The following SPRED1 variants were observed in gnomAD, a reference collection of about 807,000 sequenced individuals.
SPRED1 encodes sprouty-related, EVH1 domain-containing protein 1.
Under a neutral mutation model 52.3 loss-of-function variants are expected in SPRED1, and 18 were observed. That is an observed-to-expected ratio of 0.34 (90% CI 0.24 to 0.51). SPRED1 has a LOEUF of 0.51. Among genes scored for constraint, SPRED1 ranks in the 20% least tolerant of loss-of-function variants. SPRED1 has a pLI of 0.97. For synonymous variants in SPRED1, 155 were observed against 179.7 expected, an observed-to-expected ratio of 0.86 and a Z score of 1.10; for missense variants, 485 against 551.0, an observed-to-expected ratio of 0.88 and a Z score of 1.20.
intron 5 of SPRED1, among the ~76,000 whole-genome samples, chr15:38,343,646 C>T (rs1432328937): frequency 6.6e-6 from 1 of 152,064 alleles, no homozygotes; most frequent in African/African-American, 2.4e-5. Flanking sequence ...CTTCCAGCAA[C>T]TCTCATACCA....
chr15:38,283,909 T>A (rs1212563310), intron 1 of SPRED1, among the ~76,000 whole-genome samples: 1 of 152,152 alleles, frequency 6.6e-6, no homozygotes, highest in Non-Finnish European at 1.5e-5. Flanking sequence ...TAAAAACTAA[T>A]GGTAAAAATT....
At chr15:38,254,537 C>T (rs1329868414) in intron 1 of SPRED1, among the ~76,000 whole-genome samples, 1 of 152,166 alleles carries the variant, frequency 6.6e-6, no homozygotes, top group East Asian at 1.9e-4. Context: ...CATCCATCAC[C>T]TTGGACATCT....
rs1259725475 is a variant in SPRED1 at position 38,356,968 on chromosome 15, A to C, written c.*5304A>C. 2 of 152,192 alleles carry C rather than the reference A, an allele frequency of 1.3e-5. No individual in the cohort carries two copies. The highest frequency in any genetic ancestry group is 2.9e-5 in the Non-Finnish European group (2 of 67,994). 9.4% of individuals were successfully genotyped at this position (152,192 alleles called of 1,614,324 possible). On this transcript the variant is annotated 3_prime_UTR_variant, in exon 7 of 7. Transcript: ENST00000299084. ...GAAATGTAGTCTCATGTGCTTATTT[A>C]CAGGTTTTTCAGAATTTGCTTTACA...
At chr15:38,310,907 A>T (rs1366693893) in intron 2 of SPRED1, among the ~76,000 whole-genome samples, 2 of 152,040 alleles carry the variant, frequency 1.3e-5, no homozygotes, top group African/African-American at 4.8e-5. Flanking sequence ...ATAGGAAGGG[A>T]TTTATTTCTT....
chr15:38,282,611 C>T (rs968220963), intron 1 of SPRED1, among the ~76,000 whole-genome samples: 2 of 152,066 alleles, frequency 1.3e-5, no homozygotes, highest in Non-Finnish European at 2.9e-5. Context: ...CCACTGATGT[C>T]GATGGATAAG....
rs190281999 is a variant in SPRED1, at chr15:38,285,782, C to T, written c.33-13591C>T. ...CTGGCTTTAATGTATACTTAAAGCT[C>T]ATGTTTTTCAAGTTACCTTTTCCCC... is the stretch of plus-strand genomic sequence containing the variant. On this transcript the variant is annotated intron_variant, in intron 1 of 6. Coordinates refer to ENST00000299084, the MANE Select transcript of SPRED1 (RefSeq NM_152594.3). 5.3e-5 allele frequency among the ~76,000 whole-genome samples: 8 copies of T among 152,262 alleles called. No homozygotes were observed. The East Asian group carries it at 1.5e-3, about 29-fold the overall frequency.
At chr15:38,298,896 T>C (rs1386648635) in intron 1 of SPRED1, among the ~76,000 whole-genome samples, 1 of 152,218 alleles carries the variant, frequency 6.6e-6, no homozygotes. Context: ...AAACTAAGCA[T>C]GTTTGTTTCA....
intron 2 of SPRED1, among the ~76,000 whole-genome samples, chr15:38,310,037 C>T (rs190908708): frequency 2.2e-3 from 339 of 151,918 alleles, no homozygotes; most frequent in African/African-American, 7.8e-3. Context: ...AATGATTCCT[C>T]CCATGTTACT....
In SPRED1 at chr15:38,351,689, T is replaced by TA; in HGVS notation, c.*29dup. Reference sequence around the variant, plus strand: ...AAATGGTCCAGTGCCAAAATGAGCTTAAAATCTTTGTTTCCAGGAATTAGC... The same window carrying TA: ...AAATGGTCCAGTGCCAAAATGAGCTTAAAAATCTTTGTTTCCAGGAATTAGC... On this transcript the variant is annotated 3_prime_UTR_variant, in exon 7 of 7. Coordinates refer to ENST00000299084, the MANE Select transcript of SPRED1 (RefSeq NM_152594.3). 1 of 1,607,196 alleles carries TA rather than the reference T, an allele frequency of 6.2e-7. No individual in the cohort carries two copies. The highest frequency in any genetic ancestry group is 8.5e-7 in the Non-Finnish European group (1 of 1,179,768).
chr15:38,270,627 G>C (rs62003494), intron 1 of SPRED1, among the ~76,000 whole-genome samples: 124,838 of 151,432 alleles, frequency 0.82, 52,210 homozygotes, highest in Non-Finnish European at 0.9. Context: ...ACAACTAGAT[G>C]ATCTGAGAAC....
intron 3 of SPRED1, among the ~76,000 whole-genome samples, chr15:38,323,950 GGTAGA>G (rs1895655540): frequency 6.6e-6 from 1 of 152,100 alleles, no homozygotes; most frequent in African/African-American, 2.4e-5. Flanking sequence ...CAAACTTCTA[GGTAGA>G]GTAGACTACA....
Position 38,275,700 on chromosome 15 carries a change from G to A in SPRED1, c.32+22483G>A, listed in dbSNP as rs1212420760. Among the ~76,000 whole-genome samples, 4 of 152,160 alleles carry A rather than the reference G, an allele frequency of 2.6e-5. 1 individual carries two copies. The highest frequency in any genetic ancestry group is 4.1e-4 in the South Asian group (2 of 4,828). On this transcript the variant is annotated intron_variant, in intron 1 of 6. Coordinates refer to ENST00000299084, the MANE Select transcript of SPRED1 (RefSeq NM_152594.3). ...TTCAGTAGCGACGGGGTTTCACCATGTTCGTCAGGCTGGTCTTGAACTCCT... is the reference window on the plus strand; with the variant it reads ...TTCAGTAGCGACGGGGTTTCACCATATTCGTCAGGCTGGTCTTGAACTCCT...
In SPRED1 at chr15:38,292,606, C is replaced by T. The variant is rs1462787643; in HGVS notation, c.33-6767C>T. ...AGCAAAAGCAGAAGTCCCTGATAAA[C>T]CCATCAGATCTCATGAGACTTATTC... On this transcript the variant is annotated intron_variant, in intron 1 of 6. Transcript: ENST00000299084. 2.0e-5 allele frequency among the ~76,000 whole-genome samples: 3 copies of T among 152,080 alleles called. 1 individual carries two copies. The highest frequency in any genetic ancestry group is 4.4e-5 in the Non-Finnish European group (3 of 68,014).
intron 5 of SPRED1, among the ~76,000 whole-genome samples, chr15:38,345,611 T>C (rs1053347778): frequency 5.9e-5 from 9 of 152,306 alleles, no homozygotes; most frequent in Admixed American, 5.9e-4. Context: ...AGCTTCATGT[T>C]TGTGTTGGTT....
rs1345810751 is a variant in SPRED1 at position 38,351,504 on chromosome 15, C to G, written c.1175C>G (p.Ser392Trp). 6.2e-7 allele frequency: 1 copy of G among 1,614,060 alleles called. No individual in the cohort carries two copies. Among genetic ancestry groups the G allele is most frequent in the Non-Finnish European group, 8.5e-7 (1 of 1,180,006 alleles). Residue 392 changes from serine to tryptophan, a missense_variant, in exon 7 of 7, where the codon TCG (serine) becomes TGG (tryptophan). By Grantham distance (177) the Ser-to-Trp change is radical. Around this residue, in one of 5 missense-constraint regions of SPRED1, gnomAD observed 205 missense variants for 245.2 expected, o/e 0.84. Coordinates refer to ENST00000299084, the MANE Select transcript of SPRED1 (RefSeq NM_152594.3). The stretch of plus-strand genomic sequence containing the variant: ...GAGGGAGATTTTTCTGATCCCTGTT[C>G]GTGTGACACTAGCGACGACAAGTTC... ...DSEGDFSDPC[S>W]CDTSDDKFCL...
intron 2 of SPRED1, among the ~76,000 whole-genome samples, chr15:38,320,948 G>T (rs1269504335): frequency 6.6e-6 from 1 of 152,120 alleles, no homozygotes; most frequent in Non-Finnish European, 1.5e-5. Context: ...ATACTGGAAG[G>T]ATTTTTAAAA....
intron 2 of SPRED1, among the ~76,000 whole-genome samples, chr15:38,305,039 T>A (rs951966882): frequency 6.6e-6 from 1 of 152,150 alleles, no homozygotes; most frequent in African/African-American, 2.4e-5. Context: ...TTCAGTACTC[T>A]TTTCTTAGGC....
In SPRED1 at chr15:38,264,373, G is replaced by A. The variant is rs535727998; in HGVS notation, c.32+11156G>A. ...GCTTGAAGTGGTAGATTGACACATA[G>A]AACTGATAGCTGTTTTGAAGAACTG... On this transcript the variant is annotated intron_variant, in intron 1 of 6. Coordinates refer to ENST00000299084, the MANE Select transcript of SPRED1 (RefSeq NM_152594.3). Among the ~76,000 whole-genome samples the A allele has an allele frequency of 4.9e-4, 74 of 152,310 alleles. 2 individuals carry two copies. The South Asian group carries it at 0.015, about 30-fold the overall frequency.
chr15:38,271,656 TA>T, intron 1 of SPRED1, among the ~76,000 whole-genome samples: 1 of 152,280 alleles, frequency 6.6e-6, no homozygotes, highest in Middle Eastern at 3.4e-3. Flanking sequence ...GGTTCTTTGG[TA>T]AAAAAGGACT....
Sources: allele counts gnomAD v4.1 joint callset (sites outside exome capture counted in the v4.1 genomes callset), GRCh38; gene constraint gnomAD v4.1.1; regional missense constraint gnomAD v4.1.1; transcripts MANE v1.5; gene names NCBI Gene and HGNC (gene_info 2026-07-23, HGNC 2026-07-21).